PLXDC2: variants seen among roughly 807,000 people sequenced by gnomAD.
The protein encoded by PLXDC2 is plexin domain-containing protein 2.
In PLXDC2, 40 loss-of-function variants were observed where a neutral mutation model predicts 68.9. That is an observed-to-expected ratio of 0.58 (90% CI 0.45 to 0.76). The LOEUF (loss-of-function observed/expected upper bound fraction) is 0.76. PLXDC2 is among the 30% of genes least tolerant of loss of function. The probability of loss-of-function intolerance (pLI) is 0.00; values close to 1 mark genes in which losing one functional copy is unlikely to be tolerated. For synonymous variants in PLXDC2, 243 were observed against 234.2 expected (o/e 1.04, Z -0.34); for missense variants, 644 against 661.9 (o/e 0.97, Z 0.30).
At chr10:20,204,856 G>A (rs1444505788) in intron 9 of PLXDC2, among the ~76,000 whole-genome samples, 5 of 151,994 alleles carry the variant, frequency 3.3e-5, no homozygotes, top group Non-Finnish European at 5.9e-5. Context: ...AAAGTCTGCC[G>A]GCCCCTGATC....
intron 6 of PLXDC2, among the ~76,000 whole-genome samples, chr10:20,162,065 AGAGAGAGAAG>A (rs1233384518): frequency 0.075 from 3,694 of 49,488 alleles, 55 homozygotes; most frequent in Non-Finnish European, 0.087. Flanking sequence ...AGAGAGAGAG[AGAGAGAGAAG>A]GAAGGAAGGA....
intron 2 of PLXDC2, among the ~76,000 whole-genome samples, chr10:20,009,761 T>A (rs904106345): frequency 6.7e-6 from 1 of 149,610 alleles, no homozygotes; most frequent in African/African-American, 2.5e-5. Flanking sequence ...TTTACACAGA[T>A]AACCAGGAGC....
At chr10:20,019,433 T>C (rs1564658772) in intron 2 of PLXDC2, among the ~76,000 whole-genome samples, 3 of 152,202 alleles carry the variant, frequency 2.0e-5, no homozygotes, top group Admixed American at 1.3e-4. Context: ...TTCTGCTGGT[T>C]CCTGGTAATT....
chr10:19,829,956 A>G (rs1296904676), intron 1 of PLXDC2, among the ~76,000 whole-genome samples: 1 of 152,184 alleles, frequency 6.6e-6, no homozygotes, highest in Non-Finnish European at 1.5e-5. Context: ...GTAAATCTGA[A>G]TAACATTTCA....
At chr10:20,186,156 C>T (rs1834679922) in intron 9 of PLXDC2, among the ~76,000 whole-genome samples, 2 of 151,852 alleles carry the variant, frequency 1.3e-5, no homozygotes, top group South Asian at 4.1e-4. Context: ...AAAAAAAGTC[C>T]TTGCTGAAAT....
chr10:20,092,555 A>C (rs549622191), intron 4 of PLXDC2, among the ~76,000 whole-genome samples: 4 of 152,140 alleles, frequency 2.6e-5, no homozygotes, highest in Non-Finnish European at 5.9e-5. Flanking sequence ...AATCTCACAG[A>C]AGTTGATTGT....
At chr10:20,109,749 A>G (rs2131746903) in intron 4 of PLXDC2, among the ~76,000 whole-genome samples, 1 of 152,316 alleles carries the variant, frequency 6.6e-6, no homozygotes, top group East Asian at 1.9e-4. Flanking sequence ...GAATCTTTAG[A>G]ACTCGAATGA....
chr10:20,019,498 C>G (rs1364706823), intron 2 of PLXDC2, among the ~76,000 whole-genome samples: 1 of 152,174 alleles, frequency 6.6e-6, no homozygotes, highest in Non-Finnish European at 1.5e-5. Flanking sequence ...TGTTGAAGCC[C>G]TAGCCCCCAG....
chr10:19,977,511 C>T (rs755498062), intron 1 of PLXDC2, among the ~76,000 whole-genome samples: 1 of 152,168 alleles, frequency 6.6e-6, no homozygotes, highest in Non-Finnish European at 1.5e-5. Flanking sequence ...CAGCTAATCT[C>T]CTGATTATAA....
chr10:19,859,255 A>C (rs954902325), intron 1 of PLXDC2, among the ~76,000 whole-genome samples: 1 of 152,024 alleles, frequency 6.6e-6, no homozygotes, highest in African/African-American at 2.4e-5. Flanking sequence ...AAACAAACAA[A>C]CAAACAGACA....
At position 20,278,646 on chromosome 10, in the gene PLXDC2, A is replaced by G. The variant is rs1386236446; in HGVS notation, c.1474-1057A>G. Among the ~76,000 whole-genome samples, 4 of 152,106 alleles carry G rather than the reference A, an allele frequency of 2.6e-5. No individual in the cohort carries two copies. In the South Asian group the frequency reaches 6.2e-4, roughly 24 times the overall value. On this transcript the variant is annotated intron_variant, in intron 13 of 13. Transcript: ENST00000377252. ...TTTTTTTTTACACAATATAGAGCTA[A>G]TAGTCATCCCTACCTGATGTGAAAA... is the stretch of plus-strand genomic sequence containing the variant.
intron 1 of PLXDC2, among the ~76,000 whole-genome samples, chr10:19,918,090 T>C (rs890387116): frequency 1.3e-5 from 2 of 152,224 alleles, no homozygotes; most frequent in Admixed American, 6.5e-5. Context: ...ATTTCAGCCA[T>C]TGGATAATTT....
intron 1 of PLXDC2, among the ~76,000 whole-genome samples, chr10:19,985,669 C>T (rs115481182): frequency 1.3e-3 from 192 of 152,222 alleles, no homozygotes; most frequent in African/African-American, 4.5e-3. Flanking sequence ...GTGTGATAGC[C>T]GGATATCTTC....
chr10:20,185,160 GAAAAAA>G (rs11307851), intron 9 of PLXDC2, among the ~76,000 whole-genome samples: 4 of 55,992 alleles, frequency 7.1e-5, no homozygotes, highest in African/African-American at 2.1e-4. Flanking sequence ...GAACTGAAAG[GAAAAAA>G]AAAAAAAAAA....
chr10:20,079,964 C>A (rs1441278042), intron 4 of PLXDC2, among the ~76,000 whole-genome samples: 1 of 151,472 alleles, frequency 6.6e-6, no homozygotes, highest in African/African-American at 2.4e-5. Context: ...AAACAAAAAA[C>A]AAGAAACAAA....
chr10:19,929,084 C>T (rs891352990), intron 1 of PLXDC2, among the ~76,000 whole-genome samples: 1 of 150,718 alleles, frequency 6.6e-6, no homozygotes, highest in Admixed American at 6.6e-5. Flanking sequence ...CTAAAAAGAA[C>T]CCATTCTTGG....
rs1836107529 is a variant in PLXDC2, at chr10:20,283,451, AGGAAGAATAGTTCATCAGTG to A, written c.*3633_*3652del. On this transcript the variant is annotated 3_prime_UTR_variant, in exon 14 of 14. Transcript: ENST00000377252. ...AGTACCAGCACAAATTTGCATTCAA[AGGAAGAATAGTTCATCAGTG>A]CAAAAAGCGTTCAAAGGTAATCAGT... 1.3e-5 allele frequency: 2 copies of A among 152,250 alleles called. No homozygotes were observed. Among genetic ancestry groups the A allele is most frequent in the African/African-American group, 4.8e-5 (2 of 41,466 alleles). 9.4% of individuals were successfully genotyped at this position (152,250 alleles called of 1,614,324 possible). A position where few individuals can be genotyped will look rare whatever the true frequency, so the allele number is the denominator to read the frequency against.
At chr10:20,007,040 G>T (rs1351339624) in intron 2 of PLXDC2, among the ~76,000 whole-genome samples, 1 of 152,214 alleles carries the variant, frequency 6.6e-6, no homozygotes, top group African/African-American at 2.4e-5. Flanking sequence ...GTCACTGCAT[G>T]TGCTACTTTG....
At chr10:19,940,499 G>C (rs1255836452) in intron 1 of PLXDC2, among the ~76,000 whole-genome samples, 1 of 151,204 alleles carries the variant, frequency 6.6e-6, no homozygotes, top group Non-Finnish European at 1.5e-5. Flanking sequence ...TGTTTTACTT[G>C]GGTAGGTCTG....
Sources: gnomAD v4.1 joint callset for allele counts (sites outside exome capture counted in the v4.1 genomes callset) on GRCh38, gnomAD v4.1.1 for gene constraint, MANE v1.5 for transcripts, NCBI Gene and HGNC (gene_info 2026-07-23, HGNC 2026-07-21) for gene names.